Variants in ANO10 observed in about 807,000 individuals in gnomAD.
ANO10 encodes the protein anoctamin-10.
A neutral mutation model predicts 74.7 loss-of-function variants in ANO10; 77 were observed. That is an observed-to-expected ratio of 1.03 (90% CI 0.86 to 1.25). ANO10 has a LOEUF of 1.25. Among genes scored for constraint, ANO10 ranks in the 50% most tolerant of loss-of-function variants. The probability of loss-of-function intolerance (pLI) is 0.00; values close to 1 mark genes in which losing one functional copy is unlikely to be tolerated. For synonymous variants in ANO10, 279 were observed against 284.9 expected (o/e 0.98, Z 0.21); for missense variants, 721 against 778.1 (o/e 0.93, Z 0.87).
intron 11 of ANO10, among the ~76,000 whole-genome samples, chr3:43,508,356 A>G (rs1249630148): frequency 1.3e-5 from 2 of 152,184 alleles, no homozygotes; most frequent in African/African-American, 2.4e-5. Context: ...AAATGGGCAA[A>G]AACTTCAGCC....
intron 11 of ANO10, among the ~76,000 whole-genome samples, chr3:43,475,383 A>G (rs2076027103): frequency 6.6e-6 from 1 of 152,164 alleles, no homozygotes; most frequent in African/African-American, 2.4e-5. Flanking sequence ...ATATTCACCT[A>G]TAATTCTTTC....
chr3:43,614,410 CAA>C (rs1346338679), intron 1 of ANO10, among the ~76,000 whole-genome samples: 1 of 152,000 alleles, frequency 6.6e-6, no homozygotes, highest in African/African-American at 2.4e-5. Context: ...CCCTGATATA[CAA>C]AGAGTCCTTA....
chr3:43,387,384 C>T (rs2092152820), intron 12 of ANO10, among the ~76,000 whole-genome samples: 1 of 152,164 alleles, frequency 6.6e-6, no homozygotes, highest in Non-Finnish European at 1.5e-5. Flanking sequence ...CCCATGTCTC[C>T]AGCCTCATCT....
intron 11 of ANO10, among the ~76,000 whole-genome samples, chr3:43,535,267 C>CT (rs71616100): frequency 0.49 from 52,470 of 107,882 alleles, 14,318 homozygotes; most frequent in East Asian, 0.81. Context: ...CCTAGACATT[C>CT]TTTTTTTTTT....
intron 11 of ANO10, among the ~76,000 whole-genome samples, chr3:43,453,178 CCTT>C (rs2074956710): frequency 7.2e-6 from 1 of 138,310 alleles, no homozygotes; most frequent in Non-Finnish European, 1.5e-5. Flanking sequence ...TTCTTTTCCC[CCTT>C]TTTTTTTTTT....
intron 11 of ANO10, among the ~76,000 whole-genome samples, chr3:43,461,617 A>G (rs1391885000): frequency 6.6e-6 from 1 of 152,220 alleles, no homozygotes; most frequent in Non-Finnish European, 1.5e-5. Flanking sequence ...AGTTCCCTGC[A>G]CAAGCTCTCT....
At chr3:43,638,880 T>C (rs1173740218) in intron 1 of ANO10, 1 of 152,092 alleles carries the variant, frequency 6.6e-6, no homozygotes, top group East Asian at 1.9e-4. Flanking sequence ...AATGTGGGAG[T>C]GGCTTAGCTG....
chr3:43,572,010 TAAAG>T (rs2080754788), intron 7 of ANO10, among the ~76,000 whole-genome samples: 1 of 151,952 alleles, frequency 6.6e-6, no homozygotes, highest in Non-Finnish European at 1.5e-5. Flanking sequence ...GAAAGGTGCT[TAAAG>T]GAAGACGAGA....
chr3:43,668,877 T>A (rs560993883), intron 1 of ANO10, among the ~76,000 whole-genome samples: 1 of 152,188 alleles, frequency 6.6e-6, no homozygotes, highest in Non-Finnish European at 1.5e-5. Flanking sequence ...TTATATTCCA[T>A]ACTTTTTTTC....
chr3:43,485,129 T>C (rs1197066789), intron 11 of ANO10: 3 of 849,698 alleles, frequency 3.5e-6, no homozygotes, highest in East Asian at 5.1e-5. Flanking sequence ...CTTCATCTGG[T>C]GGAGTGATCT....
intron 12 of ANO10, among the ~76,000 whole-genome samples, chr3:43,404,619 T>A (rs2092541777): frequency 6.6e-6 from 1 of 152,054 alleles, no homozygotes; most frequent in Non-Finnish European, 1.5e-5. Flanking sequence ...TGATGGCTCA[T>A]CCCTGTAATC....
chr3:43,524,268 T>C (rs369281882), intron 11 of ANO10, among the ~76,000 whole-genome samples: 3 of 3,154 alleles, frequency 9.5e-4, no homozygotes, highest in African/African-American at 1.2e-3. Context: ...ACTGAGTCAT[T>C]TGCTTCAAAC....
At chr3:43,587,933 T>C (rs929606079) in intron 4 of ANO10, among the ~76,000 whole-genome samples, 2 of 152,286 alleles carry the variant, frequency 1.3e-5, no homozygotes, top group East Asian at 1.9e-4. Context: ...TGGAAACTTT[T>C]CTAGGAAAAT....
chr3:43,629,146 G>A (rs557913570), intron 1 of ANO10, among the ~76,000 whole-genome samples: 44 of 152,162 alleles, frequency 2.9e-4, no homozygotes, highest in Non-Finnish European at 5.4e-4. Context: ...TCTCTCTTTT[G>A]TACTCTGTCC....
At chr3:43,380,840 T>G (rs966685818) in intron 12 of ANO10, among the ~76,000 whole-genome samples, 6 of 152,130 alleles carry the variant, frequency 3.9e-5, no homozygotes, top group Admixed American at 3.9e-4. Flanking sequence ...GTACCTCACA[T>G]CTCAATACTA....
chr3:43,501,170 G>A (rs1295889824), intron 11 of ANO10, among the ~76,000 whole-genome samples: 1 of 152,184 alleles, frequency 6.6e-6, no homozygotes, highest in Non-Finnish European at 1.5e-5. Flanking sequence ...GGAGCCTCAG[G>A]CTGCTTCCAC....
chr3:43,371,967 C>T (rs769845961), intron 12 of ANO10, among the ~76,000 whole-genome samples: 8 of 152,232 alleles, frequency 5.3e-5, no homozygotes, highest in Non-Finnish European at 1.2e-4. Context: ...AGGCTCTAAA[C>T]AGCCACGACA....
chr3:43,399,160 A>G (rs1290160254), intron 12 of ANO10, among the ~76,000 whole-genome samples: 1 of 152,250 alleles, frequency 6.6e-6, no homozygotes, highest in Non-Finnish European at 1.5e-5. Flanking sequence ...ACTGATTTAC[A>G]TGCGAAACAC....
intron 1 of ANO10, among the ~76,000 whole-genome samples, chr3:43,612,903 C>A (rs973920970): frequency 5.9e-5 from 9 of 152,168 alleles, no homozygotes; most frequent in African/African-American, 2.2e-4. Context: ...CACGGTGGCT[C>A]ACGCCTATAA....
Sources: gnomAD v4.1 joint callset for allele counts (sites outside exome capture counted in the v4.1 genomes callset) on GRCh38, gnomAD v4.1.1 for gene constraint, MANE v1.5 for transcripts, NCBI Gene and HGNC (gene_info 2026-07-23, HGNC 2026-07-21) for gene names.